CCDC91: variants seen among roughly 807,000 people sequenced by gnomAD.
CCDC91 encodes the protein coiled-coil domain-containing protein 91.
CCDC91 carries 48 observed loss-of-function variants against 63.2 expected under a neutral mutation model. The observed-to-expected ratio is 0.76, with a 90% CI of 0.60 to 0.97. CCDC91 has a LOEUF of 0.97. Among genes scored for constraint, CCDC91 ranks in the 50% least tolerant of loss-of-function variants. The probability of loss-of-function intolerance (pLI) is 0.00; values close to 1 mark genes in which losing one functional copy is unlikely to be tolerated. For synonymous variants in CCDC91, 167 were observed against 165.8 expected, an observed-to-expected ratio of 1.01 and a Z score of -0.06; for missense variants, 500 against 494.6, an observed-to-expected ratio of 1.01 and a Z score of -0.10.
intron 3 of CCDC91, among the ~76,000 whole-genome samples, chr12:28,301,190 G>A (rs1181460557): frequency 6.6e-6 from 1 of 151,386 alleles, no homozygotes; most frequent in Non-Finnish European, 1.5e-5. Flanking sequence ...CATTAGTTAA[G>A]TTGCTGCCTT....
chr12:28,413,111 A>C (rs1463280343), intron 8 of CCDC91, among the ~76,000 whole-genome samples: 1 of 152,186 alleles, frequency 6.6e-6, no homozygotes, highest in Non-Finnish European at 1.5e-5. Flanking sequence ...TTCTCCAAAA[A>C]TCGACTGTTC....
intron 6 of CCDC91, among the ~76,000 whole-genome samples, chr12:28,330,302 G>A (rs2348233): frequency 0.25 from 38,125 of 151,864 alleles, 5,308 homozygotes; most frequent in East Asian, 0.57. Context: ...TTTAATGATC[G>A]CCATTCTAAC....
chr12:28,269,387 A>G (rs1947587222), intron 3 of CCDC91, among the ~76,000 whole-genome samples: 1 of 151,886 alleles, frequency 6.6e-6, no homozygotes, highest in South Asian at 2.1e-4. Flanking sequence ...TATCCCACCC[A>G]TCAGCAATTT....
chr12:28,476,449 C>A (rs141191474), intron 11 of CCDC91, among the ~76,000 whole-genome samples: 1,766 of 152,208 alleles, frequency 0.012, 31 homozygotes, highest in African/African-American at 0.04. Flanking sequence ...ATTCCAGAAT[C>A]TCTGGGACAC....
chr12:28,200,756 TGTCA>T (rs1362625080), intron 1 of CCDC91, among the ~76,000 whole-genome samples: 1 of 151,444 alleles, frequency 6.6e-6, no homozygotes. Context: ...AAACCGCCAT[TGTCA>T]TCATGGCCTG....
intron 11 of CCDC91, among the ~76,000 whole-genome samples, chr12:28,482,014 A>C: frequency 6.6e-6 from 1 of 151,902 alleles, no homozygotes; most frequent in Non-Finnish European, 1.5e-5. Context: ...GCAGTTGTAA[A>C]ATTTCAAAAG....
chr12:28,258,109 T>A (rs1272717104), intron 2 of CCDC91, among the ~76,000 whole-genome samples: 1 of 152,122 alleles, frequency 6.6e-6, no homozygotes, highest in Non-Finnish European at 1.5e-5. Context: ...TTCTTCTCTT[T>A]TGCTGATCTT....
intron 3 of CCDC91, among the ~76,000 whole-genome samples, chr12:28,287,892 T>C (rs1949006785): frequency 1.3e-5 from 2 of 152,332 alleles, no homozygotes; most frequent in South Asian, 4.1e-4. Context: ...CAGTGTTTTG[T>C]ATTTCTCATT....
At chr12:28,382,296 A>G (rs1945341859) in intron 7 of CCDC91, among the ~76,000 whole-genome samples, 2 of 151,618 alleles carry the variant, frequency 1.3e-5, no homozygotes, top group East Asian at 1.9e-4. Context: ...AATAATATTT[A>G]TAATAAATTT....
chr12:28,368,502 A>G (rs1446224069), intron 7 of CCDC91, among the ~76,000 whole-genome samples: 1 of 152,172 alleles, frequency 6.6e-6, no homozygotes, highest in South Asian at 2.1e-4. Flanking sequence ...TTCTCTATGC[A>G]GTTGATAATC....
intron 7 of CCDC91, among the ~76,000 whole-genome samples, chr12:28,389,579 A>ATTATT (rs1202753618): frequency 1.3e-5 from 2 of 152,060 alleles, no homozygotes; most frequent in African/African-American, 4.8e-5. Context: ...GAGAGAGAAT[A>ATTATT]TTATTTTATT....
chr12:28,379,213 G>A (rs1447346738), intron 7 of CCDC91, among the ~76,000 whole-genome samples: 39 of 151,952 alleles, frequency 2.6e-4, no homozygotes, highest in Non-Finnish European at 4.6e-4. Flanking sequence ...AAGAAAACCT[G>A]GGAAATACCA....
chr12:28,336,901 GATT>G (rs1942024365), intron 6 of CCDC91, among the ~76,000 whole-genome samples: 1 of 151,008 alleles, frequency 6.6e-6, no homozygotes, highest in Non-Finnish European at 1.5e-5. Context: ...TATTTATATG[GATT>G]ATTACATGTA....
chr12:28,279,911 GTT>G lies in CCDC91; in HGVS notation c.109+20471_109+20472del, dbSNP rs67169391. Among the ~76,000 whole-genome samples the G allele has an allele frequency of 8.2e-4, 124 of 152,024 alleles. 1 individual carries two copies. Among genetic ancestry groups the G allele is most frequent in the African/African-American group, 2.9e-3 (119 of 41,498 alleles). On this transcript the variant is annotated intron_variant, in intron 3 of 12. Coordinates refer to ENST00000536442, the MANE Select transcript of CCDC91 (RefSeq NM_018318.5). Reference sequence around the variant, plus strand: ...TACGATGCAGTGTTCATACACTTTTGTTTATGCAGTCGGGTGTGGTCTAAAAT... The same window carrying G: ...TACGATGCAGTGTTCATACACTTTTGTATGCAGTCGGGTGTGGTCTAAAAT...
chr12:28,267,911 A>ATATAAT (rs1308280252), intron 3 of CCDC91, among the ~76,000 whole-genome samples: 5 of 95,266 alleles, frequency 5.2e-5, no homozygotes, highest in Non-Finnish European at 7.6e-5. Flanking sequence ...ATTATATTAT[A>ATATAAT]TATAATTATT....
At chr12:28,342,363 T>C (rs1218021724) in intron 6 of CCDC91, among the ~76,000 whole-genome samples, 5 of 152,132 alleles carry the variant, frequency 3.3e-5, no homozygotes, top group East Asian at 1.9e-4. Flanking sequence ...TTATAGTAAT[T>C]TGTTATGACA....
intron 12 of CCDC91, among the ~76,000 whole-genome samples, chr12:28,502,153 A>G (rs116581486): frequency 0.015 from 2,237 of 151,850 alleles, 59 homozygotes; most frequent in African/African-American, 0.051. Flanking sequence ...CTTTCAAAAA[A>G]CCAGCTCATG....
intron 3 of CCDC91, among the ~76,000 whole-genome samples, 168 bp downstream of exon 3, chr12:28,259,610 T>TA (rs1946692632): frequency 6.6e-6 from 1 of 151,972 alleles, no homozygotes; most frequent in South Asian, 2.1e-4. Context: ...AATTGTGAAT[T>TA]ACATAACACA....
At chr12:28,252,373 T>C (rs924586688) in intron 1 of CCDC91, among the ~76,000 whole-genome samples, 15 of 152,074 alleles carry the variant, frequency 9.9e-5, no homozygotes, top group African/African-American at 3.1e-4. Flanking sequence ...TTCTCTTTTC[T>C]GTCTTTCTTG....
Sources: gnomAD v4.1 joint callset for allele counts (sites outside exome capture counted in the v4.1 genomes callset) on GRCh38, gnomAD v4.1.1 for gene constraint, MANE v1.5 for transcripts, NCBI Gene and HGNC (gene_info 2026-07-23, HGNC 2026-07-21) for gene names.